The following NBPF3 variants were observed in gnomAD, a reference collection of about 807,000 sequenced individuals.
The protein encoded by NBPF3 is NBPF family member NBPF3.
NBPF3 carries 57 observed loss-of-function variants against 78.1 expected under a neutral mutation model. The observed-to-expected ratio is 0.73, with a 90% CI of 0.59 to 0.91. NBPF3 has a LOEUF of 0.91. NBPF3 is among the 40% of genes least tolerant of loss of function. The pLI is 0.00. For missense variants in NBPF3, 510 were observed against 715.3 expected, an observed-to-expected ratio of 0.71 and a Z score of 3.27; for synonymous variants, 182 against 271.7, an observed-to-expected ratio of 0.67 and a Z score of 3.25.
At chr1:21,458,996 C>A (rs4393124) in intron 2 of NBPF3, among the ~76,000 whole-genome samples, 128,804 of 152,210 alleles carry the variant, frequency 0.85, 56,214 homozygotes, top group South Asian at 0.96. Flanking sequence ...AAAACATAAT[C>A]GAGATTAATA....
At chr1:21,477,830 G>C (rs1469698535) in intron 8 of NBPF3, among the ~76,000 whole-genome samples, 1 of 152,156 alleles carries the variant, frequency 6.6e-6, no homozygotes, top group East Asian at 1.9e-4. Flanking sequence ...CAATTTAGAC[G>C]AAGTAGTTGA....
At chr1:21,481,378 C>G in intron 12 of NBPF3, among the ~76,000 whole-genome samples, 1 of 85,410 alleles carries the variant, frequency 1.2e-5, no homozygotes, top group Non-Finnish European at 2.9e-5. Context: ...CTCACTCTCT[C>G]TCTCTCTGCC....
chr1:21,452,005 C>T (rs555209613), intron 2 of NBPF3: 20 of 175,036 alleles, frequency 1.1e-4, no homozygotes, highest in East Asian at 5.5e-4. Flanking sequence ...TAATCTAGCC[C>T]ATATGCTAGC....
At chr1:21,462,212 C>T (rs776696663) in intron 2 of NBPF3, among the ~76,000 whole-genome samples, 1 of 152,144 alleles carries the variant, frequency 6.6e-6, no homozygotes, top group Non-Finnish European at 1.5e-5. Flanking sequence ...ACGCAGCCGC[C>T]GGTATTCCTT....
intron 2 of NBPF3, among the ~76,000 whole-genome samples, chr1:21,450,755 G>C (rs540674882): frequency 3.9e-5 from 6 of 152,310 alleles, no homozygotes; most frequent in Middle Eastern, 3.4e-3. Context: ...GTGTGGTGAG[G>C]CTTCTGAGGG....
chr1:21,438,016 C>T (rs533622984), upstream of NBPF3, among the ~76,000 whole-genome samples: 1 of 152,176 alleles, frequency 6.6e-6, no homozygotes, highest in Admixed American at 6.5e-5. Context: ...GATGGGGTTT[C>T]TCCATGTTGG....
At chr1:21,474,975 G>A in intron 8 of NBPF3, 24 bp downstream of exon 8, 1 of 1,593,222 alleles carries the variant, frequency 6.3e-7, no homozygotes, top group Non-Finnish European at 8.6e-7. Context: ...ATTGTGGGCT[G>A]TTAATTCAAT....
At position 21,464,232 on chromosome 1, in the gene NBPF3, G is replaced by A. The variant is rs529460418; in HGVS notation, c.134-4456G>A. Among the ~76,000 whole-genome samples, 206 of 152,330 alleles carry A rather than the reference G, an allele frequency of 1.4e-3. 1 individual carries two copies. The highest frequency in any genetic ancestry group is 4.7e-3 in the African/African-American group (197 of 41,568). On this transcript the variant is annotated intron_variant, in intron 2 of 14. Coordinates refer to ENST00000318249, the MANE Select transcript of NBPF3 (RefSeq NM_032264.6). Reference sequence around the variant, plus strand: ...GTGGAAACATCTTTAACCACCATCAGTTGATGAATAAACAAAATGTGGTAT... The same window carrying A: ...GTGGAAACATCTTTAACCACCATCAATTGATGAATAAACAAAATGTGGTAT...
chr1:21,455,048 C>G (rs1287207150), intron 2 of NBPF3, among the ~76,000 whole-genome samples: 3 of 152,126 alleles, frequency 2.0e-5, no homozygotes, highest in Non-Finnish European at 4.4e-5. Flanking sequence ...TGGCTGTCAG[C>G]CAGGGGCCTC....
chr1:21,479,459 C>T (rs556348752), intron 10 of NBPF3, 59 bp downstream of exon 10: 278 of 1,447,138 alleles, frequency 1.9e-4, no homozygotes, highest in African/African-American at 7.2e-4. Flanking sequence ...ATGCCAAGTC[C>T]GGGGAAAGCA....
At chr1:21,451,018 C>G (rs187637615) in intron 2 of NBPF3, among the ~76,000 whole-genome samples, 1 of 152,368 alleles carries the variant, frequency 6.6e-6, no homozygotes, top group East Asian at 1.9e-4. Flanking sequence ...ACCGGCCCGC[C>G]GTCCTATGGG....
chr1:21,453,313 C>T (rs1201525285), intron 2 of NBPF3: 2 of 152,202 alleles, frequency 1.3e-5, no homozygotes, highest in African/African-American at 4.8e-5. Flanking sequence ...TCAGTGGCCA[C>T]TCTTCCACAG....
In NBPF3 at chr1:21,460,257, A is replaced by G. The variant is rs12738545; in HGVS notation, c.134-8431A>G. Among the ~76,000 whole-genome samples, 110,009 of 151,276 alleles carry G rather than the reference A, an allele frequency of 0.73. 40,818 individuals carry two copies. Among genetic ancestry groups the G allele is most frequent in the South Asian group, 0.9 (4,278 of 4,752 alleles). ...TATTTATTATACTTTAAGTTCTAGGATACTTGTGCACAACGTGCAGGTTTG... is the reference window on the plus strand; with the variant it reads ...TATTTATTATACTTTAAGTTCTAGGGTACTTGTGCACAACGTGCAGGTTTG... On this transcript the variant is annotated intron_variant, in intron 2 of 14. Coordinates refer to ENST00000318249, the MANE Select transcript of NBPF3 (RefSeq NM_032264.6). The surrounding 1 kb of genome is among the most constrained non-coding windows in gnomAD (Gnocchi z 4.2).
chr1:21,480,511 T>C (rs1643155258), intron 11 of NBPF3, among the ~76,000 whole-genome samples: 1 of 143,568 alleles, frequency 7.0e-6, no homozygotes, highest in African/African-American at 2.5e-5. Flanking sequence ...GAACCATGAT[T>C]TGGACTCAAG....
At chr1:21,458,295 C>A (rs1641749171) in intron 2 of NBPF3, among the ~76,000 whole-genome samples, 1 of 151,562 alleles carries the variant, frequency 6.6e-6, no homozygotes, top group Admixed American at 6.6e-5. Context: ...GCTTTAAGGC[C>A]CAGGAAAAGC....
chr1:21,473,850 C>T (rs1479886028), intron 7 of NBPF3, among the ~76,000 whole-genome samples: 1 of 152,184 alleles, frequency 6.6e-6, no homozygotes, highest in Non-Finnish European at 1.5e-5. Context: ...TCTGTGAGGC[C>T]TCGTACCTTT....
intron 2 of NBPF3, among the ~76,000 whole-genome samples, chr1:21,449,101 CTT>C (rs1641154811): frequency 6.6e-6 from 1 of 152,200 alleles, no homozygotes; most frequent in Non-Finnish European, 1.5e-5. Context: ...CCTTGAACCT[CTT>C]TGTAGTCATT....
chr1:21,453,555 G>A (rs1641431545), intron 2 of NBPF3: 1 of 152,240 alleles, frequency 6.6e-6, no homozygotes. Flanking sequence ...ACAGGGTTCT[G>A]GAAGAGTAGA....
chr1:21,464,592 TG>T (rs1642148552), intron 2 of NBPF3, among the ~76,000 whole-genome samples: 1 of 151,832 alleles, frequency 6.6e-6, no homozygotes, highest in Admixed American at 6.6e-5. Flanking sequence ...TGCTTAAAAA[TG>T]GTGAATTTTG....
Sources: allele counts gnomAD v4.1 joint callset (sites outside exome capture counted in the v4.1 genomes callset), GRCh38; gene constraint gnomAD v4.1.1; non-coding constraint Gnocchi (gnomAD v3.1); transcripts MANE v1.5; gene names NCBI Gene and HGNC (gene_info 2026-07-23, HGNC 2026-07-21).